RBPJ: variants seen among roughly 807,000 people sequenced by gnomAD.
RBPJ encodes recombination signal binding protein for immunoglobulin kappa J region, also known as recombining binding protein suppressor of hairless.
RBPJ carries 9 observed loss-of-function variants against 67.8 expected under a neutral mutation model. That is an observed-to-expected ratio of 0.13 (90% CI 0.08 to 0.23). The LOEUF is 0.23. Among genes scored for constraint, RBPJ ranks in the 10% least tolerant of loss-of-function variants. RBPJ has a pLI of 1.00. For synonymous variants in RBPJ, 198 were observed against 203.3 expected, an observed-to-expected ratio of 0.97 and a Z score of 0.22; for missense variants, 305 against 595.6, an observed-to-expected ratio of 0.51 and a Z score of 5.08.
chr4:26,194,765 A>T (rs1217981393), intron 1 of RBPJ, among the ~76,000 whole-genome samples: 2 of 152,244 alleles, frequency 1.3e-5, no homozygotes, highest in African/African-American at 4.8e-5. Context: ...CTTTCATCTC[A>T]GAGCACACGA....
At chr4:26,400,193 C>T (rs1732627501) in intron 2 of RBPJ, among the ~76,000 whole-genome samples, 1 of 152,040 alleles carries the variant, frequency 6.6e-6, no homozygotes, top group South Asian at 2.1e-4. Context: ...ATTGTGATAT[C>T]TTACCACTGA....
intron 1 of RBPJ, among the ~76,000 whole-genome samples, chr4:26,345,048 C>T (rs1005851139): frequency 1.1e-4 from 16 of 152,174 alleles, no homozygotes; most frequent in African/African-American, 3.9e-4. Flanking sequence ...TTGACAGTAA[C>T]AGCTGTTCTT....
chr4:26,404,574 A>G (rs1733196180), intron 2 of RBPJ, among the ~76,000 whole-genome samples: 1 of 152,326 alleles, frequency 6.6e-6, no homozygotes, highest in South Asian at 2.1e-4. Flanking sequence ...ACTGTTCACT[A>G]TAAGAGCTTG....
intron 1 of RBPJ, among the ~76,000 whole-genome samples, chr4:26,179,134 A>G (rs934828014): frequency 2.6e-5 from 4 of 151,940 alleles, no homozygotes; most frequent in Non-Finnish European, 4.4e-5. Context: ...GAGTAACAAA[A>G]AAGCAAGCAC....
chr4:26,359,060 C>T (rs1021748199), intron 1 of RBPJ, among the ~76,000 whole-genome samples: 1 of 152,156 alleles, frequency 6.6e-6, no homozygotes, highest in South Asian at 2.1e-4. Flanking sequence ...AGCTTTGCTG[C>T]CACTCTTAAC....
intron 1 of RBPJ, among the ~76,000 whole-genome samples, chr4:26,290,377 T>C (rs1044867812): frequency 2.7e-5 from 4 of 150,130 alleles, no homozygotes; most frequent in African/African-American, 9.8e-5. Flanking sequence ...ATAACCCTTT[T>C]TGGACCAATA....
intron 1 of RBPJ, among the ~76,000 whole-genome samples, chr4:26,380,041 G>A (rs1055492412): frequency 6.6e-6 from 1 of 152,192 alleles, no homozygotes; most frequent in African/African-American, 2.4e-5. Context: ...TAAGGTAAGA[G>A]CAGGTTCGAA....
At chr4:26,359,346 T>A (rs1727758182) in intron 1 of RBPJ, among the ~76,000 whole-genome samples, 1 of 152,088 alleles carries the variant, frequency 6.6e-6, no homozygotes, top group Non-Finnish European at 1.5e-5. Flanking sequence ...ACCATTCCCC[T>A]GTGTTGGAAA....
At position 26,425,105 on chromosome 4, in the gene RBPJ, G is replaced by C. The variant is rs1030080698; in HGVS notation, c.747+362G>C. The C allele has an allele frequency of 2.6e-5, 7 of 273,926 alleles. No individual in the cohort carries two copies. The East Asian group carries it at 3.8e-4, about 15-fold the overall frequency. 17.0% of individuals were successfully genotyped at this position (273,926 alleles called of 1,614,324 possible). ...GATAAACCGTATTCATTTTTTTGTG[G>C]TACCTGCCATATCCCAATGTAGGAC... is the stretch of plus-strand genomic sequence containing the variant. On this transcript the variant is annotated intron_variant, in intron 7 of 10. Coordinates refer to ENST00000355476, the MANE Select transcript of RBPJ (RefSeq NM_015874.6).
intron 3 of RBPJ, among the ~76,000 whole-genome samples, chr4:26,409,357 C>T (rs1282749354): frequency 6.6e-6 from 1 of 151,896 alleles, no homozygotes; most frequent in African/African-American, 2.4e-5. Context: ...ACCTGAGGTC[C>T]GAGGTGCCAC....
At position 26,430,307 on chromosome 4, in the gene RBPJ, T is replaced by A. The variant is rs1736088927; in HGVS notation, c.1045-112T>A. ...AGCTAGCTTTGTAATAAAAAACATT[T>A]TAATTGCCCTTTTTTAAAAAAAACA... On this transcript the variant is annotated intron_variant, in intron 9 of 10. Coordinates refer to ENST00000355476, the MANE Select transcript of RBPJ (RefSeq NM_015874.6). This position sits in a 1 kb window ranked among gnomAD's most constrained non-coding sequence, Gnocchi z 4.1. The A allele has an allele frequency of 1.0e-6, 1 of 956,084 alleles. No individual in the cohort carries two copies. The highest frequency in any genetic ancestry group is 1.6e-6 in the Non-Finnish European group (1 of 616,808). The allele number at this position is 956,084 out of a possible 1,614,324, so 59.2% of individuals were successfully genotyped here.
intron 1 of RBPJ, among the ~76,000 whole-genome samples, chr4:26,222,766 A>G (rs919031715): frequency 2.6e-5 from 4 of 151,924 alleles, no homozygotes; most frequent in African/African-American, 9.7e-5. Flanking sequence ...TGGAGGCTAC[A>G]AAAGGGGCAG....
intron 2 of RBPJ, among the ~76,000 whole-genome samples, chr4:26,392,877 G>A (rs1368131614): frequency 6.6e-6 from 1 of 152,182 alleles, no homozygotes; most frequent in East Asian, 1.9e-4. Flanking sequence ...AAAATATTCT[G>A]AAAGGGATTA....
chr4:26,396,312 C>A (rs1732110974), intron 2 of RBPJ, among the ~76,000 whole-genome samples: 1 of 152,098 alleles, frequency 6.6e-6, no homozygotes. Context: ...TAAGATTCAA[C>A]TTTATTTAGA....
At position 26,215,817 on chromosome 4, in the gene RBPJ, T is replaced by TCACCTCCTTGCCAGTGGCAAGGC. The variant is rs1553850007; in HGVS notation, c.-167+52204_-167+52205insACCTCCTTGCCAGTGGCAAGGCC. Among the ~76,000 whole-genome samples, 349 of 152,216 alleles carry TCACCTCCTTGCCAGTGGCAAGGC rather than the reference T, an allele frequency of 2.3e-3. 3 individuals are homozygous for TCACCTCCTTGCCAGTGGCAAGGC. The highest frequency in any genetic ancestry group is 7.9e-3 in the African/African-American group (330 of 41,544). On this transcript the variant is annotated intron_variant, in intron 1 of 4. Coordinates refer to the RBPJ transcript ENST00000512351. ...TCCCCACTCCCGCCTCCCGCATCCCTCTCACCTCCTTGCCAGTCTCTGGAT... is the reference window on the plus strand; with the variant it reads ...TCCCCACTCCCGCCTCCCGCATCCCTCACCTCCTTGCCAGTGGCAAGGCCTCACCTCCTTGCCAGTCTCTGGAT...
At chr4:26,237,314 A>G (rs764347378) in intron 1 of RBPJ, among the ~76,000 whole-genome samples, 12 of 152,044 alleles carry the variant, frequency 7.9e-5, no homozygotes, top group Admixed American at 2.6e-4. Flanking sequence ...GTCCTGGGAA[A>G]CACTACTGCA....
At chr4:26,231,641 A>C (rs575250956) in intron 1 of RBPJ, among the ~76,000 whole-genome samples, 23 of 151,952 alleles carry the variant, frequency 1.5e-4, no homozygotes, top group Admixed American at 1.2e-3. Flanking sequence ...CGAATGCCTG[A>C]CCTCAAGTGA....
chr4:26,220,450 G>A (rs183553158), intron 1 of RBPJ, among the ~76,000 whole-genome samples: 1 of 152,202 alleles, frequency 6.6e-6, no homozygotes, highest in African/African-American at 2.4e-5. Context: ...TCCTACAATG[G>A]GCCAGGCATC....
At chr4:26,359,218 C>T (rs1204173157) in intron 1 of RBPJ, among the ~76,000 whole-genome samples, 2 of 151,928 alleles carry the variant, frequency 1.3e-5, no homozygotes, top group Admixed American at 1.3e-4. Context: ...AATAGACATA[C>T]AAAAATATGT....
Sources: gnomAD v4.1 joint callset for allele counts (sites outside exome capture counted in the v4.1 genomes callset) on GRCh38, gnomAD v4.1.1 for gene constraint, Gnocchi (gnomAD v3.1) non-coding constraint, MANE v1.5 for transcripts, NCBI Gene and HGNC (gene_info 2026-07-23, HGNC 2026-07-21) for gene names.